The following PGBD2 variants were observed in gnomAD, a reference collection of about 807,000 sequenced individuals.
PGBD2 encodes piggyBac transposable element-derived protein 2.
Under a neutral mutation model 8.1 loss-of-function variants are expected in PGBD2, and 6 were observed. The observed-to-expected ratio is 0.74, with a 90% CI of 0.40 to 1.46. PGBD2 has a LOEUF of 1.46. Ranked by LOEUF, PGBD2 falls within the 40% of genes most tolerant of loss-of-function variation. PGBD2 has a pLI of 0.02. For missense variants in PGBD2, 802 were observed against 739.0 expected, an observed-to-expected ratio of 1.09 and a Z score of -0.99; for synonymous variants, 318 against 272.2, an observed-to-expected ratio of 1.17 and a Z score of -1.66.
chr1:248,878,345 G>A, the PGBD2 span, among the ~76,000 whole-genome samples: 3 of 151,936 alleles, frequency 2.0e-5, no homozygotes, highest in African/African-American at 7.3e-5. Flanking sequence ...CGCCCAGCTA[G>A]TTTTTGTATT....
chr1:248,899,358 C>T, the PGBD2 span, among the ~76,000 whole-genome samples: 1 of 152,060 alleles, frequency 6.6e-6, no homozygotes, highest in African/African-American at 2.4e-5. Context: ...TGAAGTAAAA[C>T]ACTCCTCAGC....
chr1:248,917,079 T>C lies in PGBD2; in HGVS notation c.495T>C (p.Ala165=), dbSNP rs1373633785. ...TTGTTAATGAAACCAATCGTTATGCTTGGCAGAAAAATGTCAATTTGAGTC... is the reference window on the plus strand; with the variant it reads ...TTGTTAATGAAACCAATCGTTATGCCTGGCAGAAAAATGTCAATTTGAGTC... ...NFIVNETNRY[A]WQKNVNLSLT... is the part of the protein sequence containing the mutation. The change falls in exon 3 of 3, where the codon GCT becomes GCC. Residue 165 remains alanine (A), a synonymous_variant. Transcript: ENST00000329291. 13 of 1,613,794 alleles carry C rather than the reference T, an allele frequency of 8.1e-6. No homozygotes were observed. Among genetic ancestry groups the C allele is most frequent in the South Asian group, 1.1e-5 (1 of 90,966 alleles).
chr1:248,896,015 C>T, the PGBD2 span, among the ~76,000 whole-genome samples: 1 of 152,078 alleles, frequency 6.6e-6, no homozygotes, highest in South Asian at 2.1e-4. Flanking sequence ...CATCACGCCC[C>T]TCCGACCCTT....
chr1:248,883,625 G>T, the PGBD2 span, among the ~76,000 whole-genome samples: 1 of 104,202 alleles, frequency 9.6e-6, no homozygotes, highest in African/African-American at 4.0e-5. Context: ...TCTTGCTCCT[G>T]TCGCCTTGTC....
In PGBD2 at chr1:248,914,880, C is replaced by T. The variant is rs906053024; in HGVS notation, c.17+1001C>T. Among the ~76,000 whole-genome samples, 8 of 152,180 alleles carry T rather than the reference C, an allele frequency of 5.3e-5. 1 individual carries two copies. Among genetic ancestry groups the T allele is most frequent in the Admixed American group, 3.3e-4 (5 of 15,284 alleles). ...CTGCTCTGCTCTCTTGTCTTCATTG[C>T]ACCTGCAGCCTCGCTGATCTCCTTG... On this transcript the variant is annotated intron_variant, in intron 2 of 2. Transcript: ENST00000329291.
chr1:248,916,577 C>T (rs753625184), intron 2 of PGBD2, 25 bp from the exon 3 acceptor site: 1 of 1,605,376 alleles, frequency 6.2e-7, no homozygotes. Context: ...TGGCCTCTTC[C>T]TGATTCTGTT....
Position 248,913,778 on chromosome 1 carries a change from T to C in PGBD2, c.-47-38T>C, listed in dbSNP as rs1004644860. 4 of 1,081,810 alleles carry C rather than the reference T, an allele frequency of 3.7e-6. No homozygotes were observed. The Admixed American group carries it at 7.3e-5, about 20-fold the overall frequency. The allele number at this position is 1,081,810 out of a possible 1,614,324, so 67.0% of individuals were successfully genotyped here. On this transcript the variant is annotated intron_variant, in intron 1 of 2. Coordinates refer to ENST00000329291, the MANE Select transcript of PGBD2 (RefSeq NM_170725.3). ...GATCCTGTTGCCTTGCTTCTTAAGA[T>C]ACAATTTTTTTTTAAATTGACTTTT...
chr1:248,896,827 G>A, the PGBD2 span, among the ~76,000 whole-genome samples: 1 of 152,264 alleles, frequency 6.6e-6, no homozygotes, highest in Non-Finnish European at 1.5e-5. Flanking sequence ...CCACCTGGGA[G>A]CTGCATGGAG....
chr1:248,928,828 T>A, the PGBD2 span, among the ~76,000 whole-genome samples: 1 of 152,206 alleles, frequency 6.6e-6, no homozygotes, highest in East Asian at 1.9e-4. Context: ...TTTCGCACCT[T>A]AAATCTGTGA....
At chr1:248,922,817 G>C (rs1326511188), downstream of PGBD2, among the ~76,000 whole-genome samples, 1 of 152,142 alleles carries the variant, frequency 6.6e-6, no homozygotes, top group African/African-American at 2.4e-5. Flanking sequence ...TGACTTGATC[G>C]TGGTGGATAA....
Position 248,917,392 on chromosome 1 carries a change from G to C in PGBD2, c.808G>C (p.Glu270Gln). 2 of 1,614,098 alleles carry C rather than the reference G, an allele frequency of 1.2e-6. No homozygotes were observed. Among genetic ancestry groups the C allele is most frequent in the Non-Finnish European group, 8.5e-7 (1 of 1,180,014 alleles). ...APLEEFYSFG[E>Q]SMCEYFGHRG... ...CTTGGAAGAGTTCTACAGCTTTGGC[G>C]AGTCTATGTGTGAGTACTTTGGGCA... is the stretch of plus-strand genomic sequence containing the variant. The change falls in exon 3 of 3, where the codon GAG becomes CAG. Residue 270 changes from glutamate (E) to glutamine (Q), a missense_variant. By Grantham distance (29) the Glu-to-Gln change is conservative. Transcript: ENST00000329291.
chr1:248,924,238 T>G (rs530299777), downstream of PGBD2, among the ~76,000 whole-genome samples: 1 of 152,226 alleles, frequency 6.6e-6, no homozygotes, highest in Non-Finnish European at 1.5e-5. Context: ...GAGTTCTTTC[T>G]TATGCGCTTT....
chr1:248,907,206 G>A (rs984132180), intron 1 of PGBD2, among the ~76,000 whole-genome samples: 21 of 152,344 alleles, frequency 1.4e-4, no homozygotes, highest in Non-Finnish European at 2.4e-4. Context: ...AGTTCAAGTG[G>A]AGGTACTATG....
downstream of PGBD2, among the ~76,000 whole-genome samples, chr1:248,921,770 T>C (rs1407285907): frequency 6.6e-6 from 1 of 152,234 alleles, no homozygotes; most frequent in African/African-American, 2.4e-5. Flanking sequence ...TCCATGAGCA[T>C]GGAATGTTTT....
intron 1 of PGBD2, among the ~76,000 whole-genome samples, chr1:248,912,480 A>G (rs1661928545): frequency 1.3e-5 from 2 of 152,276 alleles, no homozygotes; most frequent in South Asian, 4.1e-4. Flanking sequence ...GAAGATATGA[A>G]AGGACTGAAA....
At chr1:248,874,949 GATA>G in the PGBD2 span, among the ~76,000 whole-genome samples, 2 of 147,706 alleles carry the variant, frequency 1.4e-5, no homozygotes, top group African/African-American at 5.2e-5. Flanking sequence ...TAGATAGATA[GATA>G]GATAGACAAA....
In PGBD2 at chr1:248,918,087, G is replaced by C; in HGVS notation, c.1503G>C (p.Leu501=). The C allele has an allele frequency of 6.2e-7, 1 of 1,614,240 alleles. No homozygotes were observed. The highest frequency in any genetic ancestry group is 8.5e-7 in the Non-Finnish European group (1 of 1,180,042). ...CTGCCCTCAACAATGCATGGCAGCT[G>C]CATAGAATCTGCTGCCAAGATGCCC... ...IDAALNNAWQ[L]HRICCQDAQV... The change falls in exon 3 of 3, where the codon CTG becomes CTC. Residue 501 remains leucine, a synonymous_variant. Coordinates refer to ENST00000329291, the MANE Select transcript of PGBD2 (RefSeq NM_170725.3).
rs752159213 is a variant in PGBD2, at chr1:248,916,881, G to C, written c.297G>C (p.Lys99Asn). Residue 99 changes from lysine to asparagine, a missense_variant, in exon 3 of 3, where the codon AAG (lysine) becomes AAC (asparagine). By Grantham distance (94) the Lys-to-Asn change is moderately conservative (BLOSUM62 0). Coordinates refer to ENST00000329291, the MANE Select transcript of PGBD2 (RefSeq NM_170725.3). ...DNDDLELQPA[K>N]KRQKAVVKPQ... ...ACGACCTGGAGCTGCAGCCAGCCAAGAAGAGGCAGAAAGCAGTTGTGAAAC... is the reference window on the plus strand; with the variant it reads ...ACGACCTGGAGCTGCAGCCAGCCAACAAGAGGCAGAAAGCAGTTGTGAAAC... 6.2e-7 allele frequency: 1 copy of C among 1,614,122 alleles called. No individual in the cohort carries two copies. The highest frequency in any genetic ancestry group is 2.2e-5 in the East Asian group (1 of 44,876).
At chr1:248,928,879 T>C in the PGBD2 span, among the ~76,000 whole-genome samples, 10 of 152,310 alleles carry the variant, frequency 6.6e-5, no homozygotes, top group Admixed American at 2.0e-4. Flanking sequence ...AGTTCAAATA[T>C]ACAAAGATGA....
Sources: allele counts gnomAD v4.1 joint callset (sites outside exome capture counted in the v4.1 genomes callset), GRCh38; gene constraint gnomAD v4.1.1; transcripts MANE v1.5; gene names NCBI Gene and HGNC (gene_info 2026-07-23, HGNC 2026-07-21).